The following KIN variants were observed in gnomAD, a reference collection of about 807,000 sequenced individuals.
The protein encoded by KIN is Kin17 DNA and RNA binding protein, also known as DNA/RNA-binding protein KIN17.
KIN carries 47 observed loss-of-function variants against 63.0 expected under a neutral mutation model. The observed-to-expected ratio is 0.75, with a 90% CI of 0.59 to 0.95. KIN has a LOEUF of 0.95. Among genes scored for constraint, KIN ranks in the 40% least tolerant of loss-of-function variants. The pLI, the probability that KIN is intolerant of heterozygous loss-of-function variation, is 0.00. For missense variants in KIN, 408 were observed against 460.9 expected (o/e 0.89, Z 1.05); for synonymous variants, 160 against 157.7 (o/e 1.01, Z -0.11).
intron 4 of KIN, among the ~76,000 whole-genome samples, chr10:7,779,406 AAAAAC>A (rs1366716794): frequency 6.6e-6 from 1 of 152,228 alleles, no homozygotes; most frequent in South Asian, 2.1e-4. Context: ...ACTCAGTCTC[AAAAAC>A]AAAACAAAAC....
rs766536324 is a variant in KIN, at chr10:7,752,593, A to G, written c.*3487T>C. 4.6e-5 allele frequency: 7 copies of G among 152,224 alleles called. No homozygotes were observed. Among genetic ancestry groups the G allele is most frequent in the Non-Finnish European group, 8.8e-5 (6 of 68,046 alleles). 9.4% of individuals were successfully genotyped at this position (152,224 alleles called of 1,614,324 possible). Reference sequence around the variant, plus strand: ...TTACGTAAATAAGTTGAAAACGTCTATCCACAAAAAACCTGCGCACAGATG... The same window carrying G: ...TTACGTAAATAAGTTGAAAACGTCTGTCCACAAAAAACCTGCGCACAGATG... On this transcript the variant is annotated 3_prime_UTR_variant, in exon 13 of 13. Coordinates refer to ENST00000379562, the MANE Select transcript of KIN (RefSeq NM_012311.4).
intron 2 of KIN, 96 bp downstream of exon 2, chr10:7,782,985 G>C: frequency 1.9e-6 from 1 of 521,612 alleles, no homozygotes; most frequent in Non-Finnish European, 3.2e-6. Flanking sequence ...TAACATATAA[G>C]AAATAATAGA....
chr10:7,787,981 C>T lies in KIN; in HGVS notation c.-48G>A, dbSNP rs1836068507. The T allele has an allele frequency of 6.8e-7, 1 of 1,473,474 alleles. No homozygotes were observed. Among genetic ancestry groups the T allele is most frequent in the African/African-American group, 1.4e-5 (1 of 72,072 alleles). 91.3% of individuals were successfully genotyped at this position (1,473,474 alleles called of 1,614,324 possible). On this transcript the variant is annotated 5_prime_UTR_variant, in exon 1 of 13. Coordinates refer to ENST00000379562, the MANE Select transcript of KIN (RefSeq NM_012311.4). The stretch of plus-strand genomic sequence containing the variant: ...TTCTGGACCCCAGTACTCAGCCAGC[C>T]GGAAACGGAACCGGGCTGGCGGCGG...
At chr10:7,772,115 G>C (rs959541690) in intron 7 of KIN, among the ~76,000 whole-genome samples, 1 of 152,092 alleles carries the variant, frequency 6.6e-6, no homozygotes, top group African/African-American at 2.4e-5. Flanking sequence ...GCACAGCTGA[G>C]AGCAAACGGC....
intron 9 of KIN, among the ~76,000 whole-genome samples, chr10:7,764,876 T>C (rs1835510053): frequency 6.6e-6 from 1 of 152,136 alleles, no homozygotes; most frequent in South Asian, 2.1e-4. Flanking sequence ...CTAGGCACAG[T>C]GGGCCGGGCG....
rs1328064119 is a variant in KIN at position 7,755,263 on chromosome 10, T to C, written c.*817A>G. 2 of 152,280 alleles carry C rather than the reference T, an allele frequency of 1.3e-5. No individual in the cohort carries two copies. Among genetic ancestry groups the C allele is most frequent in the East Asian group, 1.9e-4 (1 of 5,186 alleles). 9.4% of individuals were successfully genotyped at this position (152,280 alleles called of 1,614,324 possible). A position where few individuals can be genotyped will look rare whatever the true frequency, so the allele number is the denominator to read the frequency against. On this transcript the variant is annotated 3_prime_UTR_variant, in exon 13 of 13. Coordinates refer to ENST00000379562, the MANE Select transcript of KIN (RefSeq NM_012311.4). ...ATCTAAATGTTTATCAGCTGATGAATGGACAAACAAAATACGGTACATCCA... is the reference window on the plus strand; with the variant it reads ...ATCTAAATGTTTATCAGCTGATGAACGGACAAACAAAATACGGTACATCCA...
chr10:7,773,332 A>C (rs571334111), intron 7 of KIN, among the ~76,000 whole-genome samples: 1 of 152,304 alleles, frequency 6.6e-6, no homozygotes, highest in Non-Finnish European at 1.5e-5. Flanking sequence ...AAACTAATAC[A>C]AGGGAGGTCA....
At chr10:7,778,635 A>G (rs867776340) in intron 5 of KIN, among the ~76,000 whole-genome samples, 2 of 152,180 alleles carry the variant, frequency 1.3e-5, no homozygotes, top group Non-Finnish European at 1.5e-5. Flanking sequence ...GGTACTCAGG[A>G]GGCTGAGGCA....
chr10:7,781,042 C>T (rs1482231398), intron 2 of KIN, among the ~76,000 whole-genome samples: 1 of 152,166 alleles, frequency 6.6e-6, no homozygotes, highest in Non-Finnish European at 1.5e-5. Context: ...GCTAGATAAA[C>T]GTGGGTGAAT....
chr10:7,783,185 A>C lies in KIN; in HGVS notation c.115-10T>G. On this transcript the variant is annotated splice_polypyrimidine_tract_variant and intron_variant, in intron 1 of 12. Coordinates refer to ENST00000379562, the MANE Select transcript of KIN (RefSeq NM_012311.4). ...GACACTTAAAGCCATTCTACAAAAA[A>C]TGTAAAAGCAATAAATTCTGATTTA... 6.6e-7 allele frequency: 1 copy of C among 1,515,950 alleles called. No individual in the cohort carries two copies. The highest frequency in any genetic ancestry group is 9.0e-7 in the Non-Finnish European group (1 of 1,112,612). The allele number at this position is 1,515,950 out of a possible 1,614,324, so 93.9% of individuals were successfully genotyped here.
At chr10:7,780,214 G>A (rs779118735) in intron 3 of KIN, 36 bp from the exon 4 acceptor site, 3 of 1,610,964 alleles carry the variant, frequency 1.9e-6, no homozygotes, top group Admixed American at 3.4e-5. Context: ...ATCATCAGAA[G>A]ATTATGCCAT....
At chr10:7,758,397 C>A (rs745965657) in intron 12 of KIN, among the ~76,000 whole-genome samples, 2 of 152,122 alleles carry the variant, frequency 1.3e-5, no homozygotes, top group African/African-American at 4.8e-5. Context: ...AAAAGAAGTA[C>A]ATGTTGCTTT....
rs750505045 is a variant in KIN, at chr10:7,756,056, T to A, written c.*24A>T. The A allele has an allele frequency of 1.4e-6, 2 of 1,410,238 alleles. No individual in the cohort carries two copies. Among genetic ancestry groups the A allele is most frequent in the African/African-American group, 2.8e-5 (2 of 70,314 alleles). 87.4% of individuals were successfully genotyped at this position (1,410,238 alleles called of 1,614,324 possible). ...CCAATTTGATGCTTTAAGATTTTAA[T>A]GTATTGTTAACAAATTTTCAAACTC... On this transcript the variant is annotated 3_prime_UTR_variant, in exon 13 of 13. Coordinates refer to ENST00000379562, the MANE Select transcript of KIN (RefSeq NM_012311.4).
intron 2 of KIN, among the ~76,000 whole-genome samples, chr10:7,782,194 G>T (rs191273158): frequency 6.6e-6 from 1 of 151,938 alleles, no homozygotes; most frequent in Non-Finnish European, 1.5e-5. Flanking sequence ...AGTATAAAGG[G>T]GTCCTAGGAC....
intron 1 of KIN, among the ~76,000 whole-genome samples, chr10:7,783,694 AC>A (rs1211074696): frequency 2.6e-5 from 4 of 152,196 alleles, no homozygotes; most frequent in East Asian, 1.9e-4. Flanking sequence ...CAGGAAAAAA[AC>A]ATACAAGTTT....
At position 7,757,632 on chromosome 10, in the gene KIN, C is replaced by A. The variant is rs80273458; in HGVS notation, c.1120-1490G>T. Among the ~76,000 whole-genome samples, 436 of 152,072 alleles carry A rather than the reference C, an allele frequency of 2.9e-3. 17 individuals carry two copies. In the East Asian group the frequency reaches 0.075, roughly 26 times the overall value. On this transcript the variant is annotated intron_variant, in intron 12 of 12. Coordinates refer to ENST00000379562, the MANE Select transcript of KIN (RefSeq NM_012311.4). ...ATGATGACAATGATGATGACTCTAA[C>A]CCTAGAACTGAGATTTTAACATTTT...
chr10:7,768,469 C>T (rs142076020), intron 8 of KIN, among the ~76,000 whole-genome samples: 7 of 151,528 alleles, frequency 4.6e-5, no homozygotes, highest in African/African-American at 1.2e-4. Context: ...TGCAGTGAGC[C>T]GAGATTGTGC....
chr10:7,779,892 C>G (rs1835862054), intron 4 of KIN, among the ~76,000 whole-genome samples, 164 bp downstream of exon 4: 1 of 152,178 alleles, frequency 6.6e-6, no homozygotes, highest in African/African-American at 2.4e-5. Context: ...ATATGATGTT[C>G]TATTAACTTA....
chr10:7,771,607 A>G (rs1835666427), intron 7 of KIN, among the ~76,000 whole-genome samples: 1 of 152,072 alleles, frequency 6.6e-6, no homozygotes. Context: ...TTAAAACTCA[A>G]CTGGGCCGGG....
Sources: gnomAD v4.1 joint callset for allele counts (sites outside exome capture counted in the v4.1 genomes callset) on GRCh38, gnomAD v4.1.1 for gene constraint, MANE v1.5 for transcripts, NCBI Gene and HGNC (gene_info 2026-07-23, HGNC 2026-07-21) for gene names.